Variants in KCNQ5 observed in about 807,000 individuals in gnomAD.
KCNQ5 encodes the protein potassium voltage-gated channel subfamily KQT member 5.
In KCNQ5, 30 loss-of-function variants were observed where a neutral mutation model predicts 98.2. That is an observed-to-expected ratio of 0.31 (90% CI 0.23 to 0.41). The LOEUF (loss-of-function observed/expected upper bound fraction) is 0.41. KCNQ5 is among the 10% of genes least tolerant of loss of function. The pLI is 1.00. For synonymous variants in KCNQ5, 458 were observed against 449.4 expected, an observed-to-expected ratio of 1.02 and a Z score of -0.24; for missense variants, 835 against 1,182.5, an observed-to-expected ratio of 0.71 and a Z score of 4.31.
intron 3 of KCNQ5, among the ~76,000 whole-genome samples, chr6:73,069,998 G>A (rs1241278509): frequency 2.6e-5 from 4 of 152,102 alleles, no homozygotes; most frequent in Non-Finnish European, 5.9e-5. Flanking sequence ...TAAATGGAAA[G>A]AGAAAATTAG....
At chr6:72,714,182 A>G (rs767243304) in intron 1 of KCNQ5, among the ~76,000 whole-genome samples, 15 of 152,136 alleles carry the variant, frequency 9.9e-5, no homozygotes, top group Non-Finnish European at 1.9e-4. Context: ...TTGTTGTTGA[A>G]GGCCTCTTCT....
At chr6:72,931,982 G>A (rs1765714229) in intron 1 of KCNQ5, among the ~76,000 whole-genome samples, 2 of 152,156 alleles carry the variant, frequency 1.3e-5, no homozygotes, top group African/African-American at 2.4e-5. Context: ...GGCACTGGAA[G>A]AGCCTTCTCT....
intron 1 of KCNQ5, among the ~76,000 whole-genome samples, chr6:72,959,833 A>G (rs540419159): frequency 6.6e-6 from 1 of 152,354 alleles, no homozygotes; most frequent in African/African-American, 2.4e-5. Context: ...ACCTACTTAC[A>G]GGAATTATAT....
chr6:73,006,153 C>A (rs759890108), intron 2 of KCNQ5, among the ~76,000 whole-genome samples: 1 of 152,098 alleles, frequency 6.6e-6, no homozygotes, highest in Admixed American at 6.5e-5. Context: ...ATTAAGATGA[C>A]AAATCTTAAT....
chr6:72,856,339 G>T, intron 1 of KCNQ5, among the ~76,000 whole-genome samples: 1 of 150,010 alleles, frequency 6.7e-6, no homozygotes, highest in East Asian at 2.0e-4. Flanking sequence ...TTAGATAAGA[G>T]TTTTTTTTTC....
At chr6:72,960,618 G>C (rs1767296429) in intron 1 of KCNQ5, among the ~76,000 whole-genome samples, 1 of 152,080 alleles carries the variant, frequency 6.6e-6, no homozygotes, top group South Asian at 2.1e-4. Context: ...AGTAGAGACG[G>C]TGTTTCACTA....
chr6:72,888,904 T>A (rs563799479), intron 1 of KCNQ5, among the ~76,000 whole-genome samples: 6 of 152,264 alleles, frequency 3.9e-5, no homozygotes, highest in African/African-American at 1.4e-4. Flanking sequence ...GAAGAAAAAA[T>A]TCCCTATCTT....
At chr6:72,786,997 T>A in intron 1 of KCNQ5, among the ~76,000 whole-genome samples, 1 of 113,910 alleles carries the variant, frequency 8.8e-6, no homozygotes. Flanking sequence ...ACAGCAAGAC[T>A]CTGTCTCAAA....
At chr6:72,863,869 G>T (rs554116933) in intron 1 of KCNQ5, among the ~76,000 whole-genome samples, 10 of 152,164 alleles carry the variant, frequency 6.6e-5, no homozygotes, top group Non-Finnish European at 1.3e-4. Context: ...ACAAATAATT[G>T]TAAGTCTTGT....
chr6:72,933,064 T>G (rs1174001327), intron 1 of KCNQ5, among the ~76,000 whole-genome samples: 3 of 152,160 alleles, frequency 2.0e-5, no homozygotes, highest in Non-Finnish European at 4.4e-5. Flanking sequence ...TCAATGTCAT[T>G]CTAGAGTAAT....
At chr6:72,851,890 GT>G (rs1392913057) in intron 1 of KCNQ5, among the ~76,000 whole-genome samples, 1 of 151,672 alleles carries the variant, frequency 6.6e-6, no homozygotes, top group African/African-American at 2.4e-5. Flanking sequence ...CAATAAATTT[GT>G]TATATGTAGA....
intron 1 of KCNQ5, among the ~76,000 whole-genome samples, chr6:72,740,179 A>G (rs1166207559): frequency 6.6e-6 from 1 of 152,194 alleles, no homozygotes; most frequent in African/African-American, 2.4e-5. Flanking sequence ...CATTTTTTCA[A>G]CTATCTTCAG....
At chr6:72,727,521 T>C (rs1405522170) in intron 1 of KCNQ5, among the ~76,000 whole-genome samples, 4 of 152,144 alleles carry the variant, frequency 2.6e-5, no homozygotes, top group Non-Finnish European at 5.9e-5. Flanking sequence ...ACAATTTTTC[T>C]GGATTTTTTT....
At chr6:73,074,775 A>G (rs935658076) in intron 3 of KCNQ5, among the ~76,000 whole-genome samples, 1 of 151,476 alleles carries the variant, frequency 6.6e-6, no homozygotes, top group African/African-American at 2.4e-5. Context: ...AAAAAACCTT[A>G]GAACTGAAGA....
At chr6:72,978,473 C>G (rs2150293400) in intron 1 of KCNQ5, among the ~76,000 whole-genome samples, 1 of 152,306 alleles carries the variant, frequency 6.6e-6, no homozygotes, top group Middle Eastern at 3.4e-3. Context: ...AGGCCAATAT[C>G]TATTTGGTTC....
chr6:72,824,611 C>T (rs1377465684), intron 1 of KCNQ5, among the ~76,000 whole-genome samples: 2 of 152,096 alleles, frequency 1.3e-5, no homozygotes, highest in Admixed American at 6.5e-5. Context: ...TACTTTGCAG[C>T]CTAATGATAA....
chr6:72,720,586 G>A (rs1158246255), intron 1 of KCNQ5, among the ~76,000 whole-genome samples: 1 of 152,162 alleles, frequency 6.6e-6, no homozygotes, highest in Admixed American at 6.5e-5. Flanking sequence ...TTCAGCCAAA[G>A]AGGTTTCTGC....
chr6:73,187,142 C>T (rs1441382767), intron 11 of KCNQ5, among the ~76,000 whole-genome samples: 1 of 151,272 alleles, frequency 6.6e-6, no homozygotes, highest in African/African-American at 2.4e-5. Flanking sequence ...TCACTGCAAG[C>T]TCTGCCTCCC....
At chr6:72,628,332 A>G (rs1187106979) in intron 1 of KCNQ5, among the ~76,000 whole-genome samples, 2 of 152,194 alleles carry the variant, frequency 1.3e-5, no homozygotes, top group Non-Finnish European at 2.9e-5. Context: ...GCCACTAATT[A>G]ATTCTGTAAG....
Sources: allele counts gnomAD v4.1 joint callset (sites outside exome capture counted in the v4.1 genomes callset), GRCh38; gene constraint gnomAD v4.1.1; transcripts MANE v1.5; gene names NCBI Gene and HGNC (gene_info 2026-07-23, HGNC 2026-07-21).